TSHZ2: variants seen among roughly 807,000 people sequenced by gnomAD.
TSHZ2 encodes teashirt homolog 2.
In TSHZ2, 21 loss-of-function variants were observed where a neutral mutation model predicts 74.4. The observed-to-expected ratio is 0.28, with a 90% CI of 0.20 to 0.41. The LOEUF (loss-of-function observed/expected upper bound fraction) is 0.41, where lower values mean the gene tolerates loss of function less well. TSHZ2 is among the 10% of genes least tolerant of loss of function. TSHZ2 has a pLI of 1.00. For missense variants in TSHZ2, 1,244 were observed against 1,293.5 expected, an observed-to-expected ratio of 0.96 and a Z score of 0.59; for synonymous variants, 540 against 515.3, an observed-to-expected ratio of 1.05 and a Z score of -0.65.
intron 1 of TSHZ2, among the ~76,000 whole-genome samples, chr20:52,987,397 A>T (rs2122901414): frequency 6.6e-6 from 1 of 152,278 alleles, no homozygotes; most frequent in Admixed American, 6.5e-5. Context: ...GAATTACAGG[A>T]TAACAGGAAA....
intron 2 of TSHZ2, among the ~76,000 whole-genome samples, chr20:53,294,123 T>C (rs1991332966): frequency 6.6e-6 from 1 of 152,168 alleles, no homozygotes; most frequent in African/African-American, 2.4e-5. Flanking sequence ...CACAGGCAGC[T>C]GTCATGAGCT....
chr20:53,261,152 G>A (rs1257817991), intron 2 of TSHZ2, among the ~76,000 whole-genome samples: 4 of 152,120 alleles, frequency 2.6e-5, no homozygotes, highest in Admixed American at 2.6e-4. Context: ...ATGGTTTCTA[G>A]GTAATACTCA....
In TSHZ2 at chr20:53,180,796, A is replaced by G. The variant is rs528499664; in HGVS notation, c.41-72703A>G. On this transcript the variant is annotated intron_variant, in intron 1 of 2. Coordinates refer to ENST00000371497, the MANE Select transcript of TSHZ2 (RefSeq NM_173485.6). Reference sequence around the variant, plus strand: ...TAAAAAAATTATAAAATAAAATGAAAAGATCACTTGTTAACACAAAGCAAA... The same window carrying G: ...TAAAAAAATTATAAAATAAAATGAAGAGATCACTTGTTAACACAAAGCAAA... 6.6e-5 allele frequency among the ~76,000 whole-genome samples: 10 copies of G among 152,308 alleles called. No homozygotes were observed. In the South Asian group the frequency reaches 2.1e-3, roughly 32 times the overall value.
intron 2 of TSHZ2, among the ~76,000 whole-genome samples, chr20:53,378,318 C>T (rs763154132): frequency 6.7e-6 from 1 of 148,846 alleles, no homozygotes; most frequent in Non-Finnish European, 1.5e-5. Context: ...CCAGCCTGGG[C>T]GACAAAGCAA....
intron 1 of TSHZ2, among the ~76,000 whole-genome samples, chr20:53,056,162 TTAA>T (rs1984633385): frequency 6.6e-6 from 1 of 152,226 alleles, no homozygotes; most frequent in Non-Finnish European, 1.5e-5. Context: ...TTGCGTGAAC[TTAA>T]TAAATTCCAT....
intron 1 of TSHZ2, among the ~76,000 whole-genome samples, chr20:53,019,024 G>A (rs879513316): frequency 1.3e-5 from 2 of 152,054 alleles, no homozygotes; most frequent in Admixed American, 6.6e-5. Flanking sequence ...CTCCTTTCAA[G>A]CTTTCTACAA....
chr20:53,467,558 C>A (rs907752414), intron 2 of TSHZ2, among the ~76,000 whole-genome samples: 2 of 152,148 alleles, frequency 1.3e-5, no homozygotes, highest in African/African-American at 4.8e-5. Context: ...GTGAAAAGTA[C>A]TATATATTAT....
At chr20:53,011,422 T>C (rs912491827) in intron 1 of TSHZ2, among the ~76,000 whole-genome samples, 3 of 152,228 alleles carry the variant, frequency 2.0e-5, no homozygotes, top group Admixed American at 1.3e-4. Flanking sequence ...GTTTTAAATA[T>C]AACAGGACCA....
intron 2 of TSHZ2, among the ~76,000 whole-genome samples, chr20:53,348,993 G>A (rs1980543651): frequency 6.6e-6 from 1 of 152,188 alleles, no homozygotes; most frequent in Non-Finnish European, 1.5e-5. Flanking sequence ...TCGGCAAAAT[G>A]ACCTGGCCTG....
intron 1 of TSHZ2, among the ~76,000 whole-genome samples, chr20:53,124,159 C>T (rs934611874): frequency 1.3e-5 from 2 of 152,186 alleles, no homozygotes; most frequent in African/African-American, 4.8e-5. Context: ...GCATTCTTTC[C>T]TCCTAAAAAA....
intron 1 of TSHZ2, among the ~76,000 whole-genome samples, chr20:53,245,754 C>A (rs933560657): frequency 6.6e-6 from 1 of 152,172 alleles, no homozygotes; most frequent in African/African-American, 2.4e-5. Flanking sequence ...AATACACTTC[C>A]TCTTTTGTCC....
chr20:53,179,708 T>C lies in TSHZ2; in HGVS notation c.41-73791T>C, dbSNP rs1025952210. On this transcript the variant is annotated intron_variant, in intron 1 of 2. Coordinates refer to ENST00000371497, the MANE Select transcript of TSHZ2 (RefSeq NM_173485.6). ...GGCCTTGCCTGTTGAACATATCGCTTGACCAGCACTGCTTCCTGGATATCT... is the reference window on the plus strand; with the variant it reads ...GGCCTTGCCTGTTGAACATATCGCTCGACCAGCACTGCTTCCTGGATATCT... Among the ~76,000 whole-genome samples the C allele has an allele frequency of 2.0e-5, 3 of 152,218 alleles. No homozygotes were observed. The East Asian group carries it at 5.8e-4, about 29-fold the overall frequency.
At chr20:53,363,109 C>T (rs570939367) in intron 2 of TSHZ2, among the ~76,000 whole-genome samples, 6 of 152,330 alleles carry the variant, frequency 3.9e-5, no homozygotes, top group South Asian at 2.1e-4. Flanking sequence ...GGGGTATACC[C>T]GAGGCATGTG....
At chr20:53,246,872 G>A (rs1990218756) in intron 1 of TSHZ2, among the ~76,000 whole-genome samples, 1 of 152,222 alleles carries the variant, frequency 6.6e-6, no homozygotes, top group Non-Finnish European at 1.5e-5. Context: ...CGTACATTAA[G>A]TGTTTAGACG....
chr20:53,361,927 T>G (rs1261300467), intron 2 of TSHZ2, among the ~76,000 whole-genome samples: 5 of 152,182 alleles, frequency 3.3e-5, no homozygotes, highest in East Asian at 3.9e-4. Context: ...TTTGTGTTTT[T>G]TTTTTTTCTG....
intron 2 of TSHZ2, among the ~76,000 whole-genome samples, chr20:53,424,011 T>G (rs1983574398): frequency 6.6e-6 from 1 of 152,164 alleles, no homozygotes; most frequent in Non-Finnish European, 1.5e-5. Context: ...CCAGCCCAAA[T>G]GTCAATAGTG....
intron 2 of TSHZ2, among the ~76,000 whole-genome samples, chr20:53,281,798 C>T (rs971388961): frequency 1.3e-5 from 2 of 152,174 alleles, no homozygotes; most frequent in African/African-American, 2.4e-5. Context: ...CCATGGGGAG[C>T]CTCAGAGTTC....
intron 2 of TSHZ2, among the ~76,000 whole-genome samples, chr20:53,433,584 G>GACACACACACACACACACACACACAC (rs59162370): frequency 4.4e-5 from 6 of 137,042 alleles, no homozygotes; most frequent in South Asian, 2.4e-4. Flanking sequence ...CAGACACACA[G>GACACACACACACACACACACACACAC]ACACACACAC....
intron 1 of TSHZ2, among the ~76,000 whole-genome samples, chr20:53,012,889 A>G (rs1486766264): frequency 6.6e-6 from 1 of 152,160 alleles, no homozygotes; most frequent in East Asian, 1.9e-4. Context: ...AAATTTCAAA[A>G]AAACGACCAA....
Sources: gnomAD v4.1 joint callset for allele counts (sites outside exome capture counted in the v4.1 genomes callset) on GRCh38, gnomAD v4.1.1 for gene constraint, MANE v1.5 for transcripts, NCBI Gene and HGNC (gene_info 2026-07-23, HGNC 2026-07-21) for gene names.